Variants in TRPV2 observed in about 807,000 individuals in gnomAD.
The protein encoded by TRPV2 is OTRPC2.
TRPV2 carries 58 observed loss-of-function variants against 91.0 expected under a neutral mutation model. The observed-to-expected ratio is 0.64, with a 90% confidence interval of 0.52 to 0.79. The LOEUF is 0.79. Among genes scored for constraint, TRPV2 ranks in the 30% least tolerant of loss-of-function variants. The pLI is 0.00. For synonymous variants in TRPV2, 417 were observed against 414.8 expected, an observed-to-expected ratio of 1.01 and a Z score of -0.06; for missense variants, 807 against 969.6, an observed-to-expected ratio of 0.83 and a Z score of 2.23.
chr17:16,428,123 C>T (rs541312802), intron 8 of TRPV2, among the ~76,000 whole-genome samples, 194 bp from the exon 9 acceptor site: 1 of 152,344 alleles, frequency 6.6e-6, no homozygotes, highest in South Asian at 2.1e-4. Flanking sequence ...CACCCCCCGG[C>T]CTTGCCTAGG....
rs532193000 is a variant in TRPV2, at chr17:16,429,371, T to G, written c.1587+389T>G. On this transcript the variant is annotated intron_variant, in intron 10 of 14. Transcript: ENST00000338560. ...GCCTACTGTGGGCCGGGCCCTGTTCTAGGTGTTGGGAATATAGCAGAGAAC... is the reference window on the plus strand; with the variant it reads ...GCCTACTGTGGGCCGGGCCCTGTTCGAGGTGTTGGGAATATAGCAGAGAAC... 1.5e-4 allele frequency among the ~76,000 whole-genome samples: 23 copies of G among 152,326 alleles called. No individual in the cohort carries two copies. In the South Asian group the frequency reaches 3.5e-3, roughly 23 times the overall value.
At position 16,423,764 on chromosome 17, in the gene TRPV2, C is replaced by T. The variant is rs374274091; in HGVS notation, c.921C>T (p.Ile307=). 105 of 1,566,638 alleles carry T rather than the reference C, an allele frequency of 6.7e-5. No homozygotes were observed. In the South Asian group the frequency reaches 1.1e-3, roughly 16 times the overall value. The stretch of plus-strand genomic sequence containing the variant: ...AGCTGGCCGCCAAGGAGGGCAAGAT[C>T]GAGGTGAGCGGCTGTCCCCTTCCCA... ...PLKLAAKEGK[I]EIFRHILQRE... Residue 307 remains isoleucine (I), a synonymous_variant, in exon 5 of 15, where the codon ATC becomes ATT. Coordinates refer to ENST00000338560, the MANE Select transcript of TRPV2 (RefSeq NM_016113.5).
intron 4 of TRPV2, 46 bp downstream of exon 4, chr17:16,422,935 G>A: frequency 6.5e-7 from 1 of 1,536,742 alleles, no homozygotes; most frequent in Non-Finnish European, 8.8e-7. Flanking sequence ...AGAGAGTAAG[G>A]CCTGGTTCAA....
intron 10 of TRPV2, among the ~76,000 whole-genome samples, chr17:16,429,968 G>A (rs985591923): frequency 4.0e-5 from 6 of 151,822 alleles, no homozygotes; most frequent in Middle Eastern, 3.4e-3. Context: ...GGGTTCAAGC[G>A]ATTCTCCTGC....
chr17:16,422,035 T>G, intron 3 of TRPV2, among the ~76,000 whole-genome samples: 1 of 150,560 alleles, frequency 6.6e-6, no homozygotes, highest in East Asian at 2.0e-4. Context: ...CCGGGCGCAG[T>G]GGCTCACGCC....
At chr17:16,431,286 TAC>T (rs1374339610) in intron 10 of TRPV2, among the ~76,000 whole-genome samples, 5,699 of 48,428 alleles carry the variant, frequency 0.12, 326 homozygotes, top group African/African-American at 0.13. Context: ...TATATATATA[TAC>T]ATATTTTTTT....
intron 1 of TRPV2, among the ~76,000 whole-genome samples, chr17:16,416,981 G>A (rs1009820987): frequency 1.3e-5 from 2 of 152,208 alleles, no homozygotes; most frequent in Non-Finnish European, 2.9e-5. Flanking sequence ...AATGTAAATG[G>A]TAACAGGGGT....
At chr17:16,431,886 C>T (rs565082937) in intron 11 of TRPV2, 36 bp downstream of exon 11, 55 of 1,613,722 alleles carry the variant, frequency 3.4e-5, no homozygotes, top group African/African-American at 3.1e-4. Context: ...CCCTTCCCCA[C>T]GTTCCTTGTC....
At chr17:16,424,991 C>T (rs1183326222) in intron 5 of TRPV2, among the ~76,000 whole-genome samples, 1 of 146,362 alleles carries the variant, frequency 6.8e-6, no homozygotes, top group African/African-American at 2.5e-5. Context: ...AATCTTCATA[C>T]CCATATTTTC....
rs747343179 is a variant in TRPV2, at chr17:16,432,076, C to CAGT, written c.1767_1769dup (p.Gln589_Tyr590insTer). ...ACAGGAGGACGAGGGCAACGGGGCC[C>CAGT]AGTACAGGGGTATCCTGGAAGCCTC... On this transcript the variant is annotated stop_gained and inframe_insertion, in exon 12 of 15. Coordinates refer to ENST00000338560, the MANE Select transcript of TRPV2 (RefSeq NM_016113.5). LOFTEE classifies it high-confidence loss of function. 7 of 1,614,066 alleles carry CAGT rather than the reference C, an allele frequency of 4.3e-6. No homozygotes were observed. In the East Asian group the frequency reaches 1.6e-4, roughly 36 times the overall value.
intron 10 of TRPV2, among the ~76,000 whole-genome samples, chr17:16,430,525 G>T (rs1201736847): frequency 7.3e-6 from 1 of 137,196 alleles, no homozygotes; most frequent in Non-Finnish European, 1.5e-5. Flanking sequence ...TTGCTCTGTT[G>T]CCCAGGCTGG....
At position 16,423,591 on chromosome 17, in the gene TRPV2, CA is replaced by C. The variant is rs2093368415; in HGVS notation, c.749del (p.His250LeufsTer3). 30 of 1,614,236 alleles carry C rather than the reference CA, an allele frequency of 1.9e-5. No homozygotes were observed. The highest frequency in any genetic ancestry group is 2.5e-5 in the Non-Finnish European group (30 of 1,180,050). The stretch of plus-strand genomic sequence containing the variant: ...TGACTCCCAGGGCAACACAGTCCTG[CA>C]TGCCCTAGTGATGATCTCGGACAAC... ...ATDSQGNTVL[H>X]ALVMISDNSA... is the part of the protein sequence containing the mutation. On this transcript the variant is annotated frameshift_variant, in exon 5 of 15. Coordinates refer to ENST00000338560, the MANE Select transcript of TRPV2 (RefSeq NM_016113.5). LOFTEE classifies it high-confidence loss of function.
In TRPV2 at chr17:16,417,796, TC is replaced by T; in HGVS notation, c.130del (p.Gln44ArgfsTer11). The T allele has an allele frequency of 6.2e-7, 1 of 1,614,148 alleles. No individual in the cohort carries two copies. The stretch of plus-strand genomic sequence containing the variant: ...GGGCTGCCTCCCATGGAGTCACAGT[TC>T]CAGGGCGAGGACCGGAAATTCGCCC... ...GSGLPPMESQ[F>X]QGEDRKFAPQ... is the part of the protein sequence containing the mutation. On this transcript the variant is annotated frameshift_variant, in exon 2 of 15. Coordinates refer to ENST00000338560, the MANE Select transcript of TRPV2 (RefSeq NM_016113.5). LOFTEE classifies it high-confidence loss of function.
intron 9 of TRPV2, 145 bp from the exon 10 acceptor site, chr17:16,428,672 C>G (rs1373994249): frequency 3.5e-6 from 3 of 868,322 alleles, no homozygotes; most frequent in Non-Finnish European, 5.4e-6. Context: ...ATTATTATGC[C>G]CATTTTACAG....
rs760876570 is a variant in TRPV2, at chr17:16,423,491, C to T, written c.648C>T (p.Ala216=). ...FYFGELPLSL[A]ACTKQWDVVS... ...CAGGTGAGCTACCCCTCTCTTTGGCCGCTTGCACCAAGCAGTGGGATGTGG... is the reference window on the plus strand; with the variant it reads ...CAGGTGAGCTACCCCTCTCTTTGGCTGCTTGCACCAAGCAGTGGGATGTGG... Residue 216 remains alanine, a synonymous_variant, in exon 5 of 15, where the codon GCC becomes GCT. Coordinates refer to ENST00000338560, the MANE Select transcript of TRPV2 (RefSeq NM_016113.5). The T allele has an allele frequency of 4.3e-6, 7 of 1,611,286 alleles. No individual in the cohort carries two copies. Among genetic ancestry groups the T allele is most frequent in the Middle Eastern group, 1.6e-4 (1 of 6,070 alleles).
chr17:16,431,440 C>A (rs958671947), intron 10 of TRPV2, among the ~76,000 whole-genome samples: 1 of 151,194 alleles, frequency 6.6e-6, no homozygotes, highest in African/African-American at 2.4e-5. Context: ...ATTACAAGCA[C>A]AGGCACACCA....
chr17:16,423,598 T>C lies in TRPV2; in HGVS notation c.755T>C (p.Leu252Pro). 1 of 1,614,194 alleles carries C rather than the reference T, an allele frequency of 6.2e-7. No homozygotes were observed. The highest frequency in any genetic ancestry group is 8.5e-7 in the Non-Finnish European group (1 of 1,180,028). The change falls in exon 5 of 15, where the codon CTA becomes CCA. Residue 252 changes from leucine to proline, a missense_variant. Coordinates refer to ENST00000338560, the MANE Select transcript of TRPV2 (RefSeq NM_016113.5). ...CAGGGCAACACAGTCCTGCATGCCCTAGTGATGATCTCGGACAACTCAGCT... is the reference window on the plus strand; with the variant it reads ...CAGGGCAACACAGTCCTGCATGCCCCAGTGATGATCTCGGACAACTCAGCT... ...DSQGNTVLHA[L>P]VMISDNSAEN... is the part of the protein sequence containing the mutation.
intron 8 of TRPV2, 113 bp from the exon 9 acceptor site, chr17:16,428,204 C>A: frequency 3.1e-6 from 3 of 971,964 alleles, no homozygotes; most frequent in Non-Finnish European, 4.9e-6. Context: ...TCCCCCAAAA[C>A]CAAAGCTGCT....
Position 16,422,602 on chromosome 17 carries a change from G to T in TRPV2, c.338G>T (p.Gly113Val). The T allele has an allele frequency of 1.2e-5, 19 of 1,612,546 alleles. No homozygotes were observed. The highest frequency in any genetic ancestry group is 1.6e-5 in the Non-Finnish European group (19 of 1,179,002). The change falls in exon 4 of 15, where the codon GGC (glycine) becomes GTC (valine). Residue 113 changes from glycine (G) to valine (V), a missense_variant. Transcript: ENST00000338560. ...TTCCCCTCCCTTCTTCCCACAGAGG[G>T]CTCCACAGGTAAGACGTGCCTGATG... ...KYLTDSEYTE[G>V]STGKTCLMKA...
Sources: allele counts gnomAD v4.1 joint callset (sites outside exome capture counted in the v4.1 genomes callset), GRCh38; gene constraint gnomAD v4.1.1; transcripts MANE v1.5; gene names NCBI Gene and HGNC (gene_info 2026-07-23, HGNC 2026-07-21).